DPP10: variants seen among roughly 807,000 people sequenced by gnomAD.
DPP10 encodes the protein inactive dipeptidyl peptidase 10.
A neutral mutation model predicts 120.9 loss-of-function variants in DPP10; 33 were observed. The observed-to-expected ratio is 0.27, with a 90% confidence interval of 0.21 to 0.37. The LOEUF (loss-of-function observed/expected upper bound fraction) is 0.37. DPP10 is among the 10% of genes least tolerant of loss of function. DPP10 has a pLI of 1.00. For synonymous variants in DPP10, 337 were observed against 326.1 expected (o/e 1.03, Z -0.36); for missense variants, 816 against 942.8 (o/e 0.87, Z 1.76).
At chr2:115,312,289 T>C (rs1210730745) in intron 2 of DPP10, among the ~76,000 whole-genome samples, 1 of 152,138 alleles carries the variant, frequency 6.6e-6, no homozygotes, top group Non-Finnish European at 1.5e-5. Context: ...ATTATGTAAA[T>C]TGATCAAGTG....
At chr2:114,570,446 C>T (rs1304734711) in intron 1 of DPP10, among the ~76,000 whole-genome samples, 1 of 151,966 alleles carries the variant, frequency 6.6e-6, no homozygotes, top group African/African-American at 2.4e-5. Flanking sequence ...CAAAACAATC[C>T]AACATAAGAT....
intron 1 of DPP10, among the ~76,000 whole-genome samples, chr2:114,561,903 C>T (rs1334566101): frequency 6.6e-6 from 1 of 152,196 alleles, no homozygotes; most frequent in Non-Finnish European, 1.5e-5. Flanking sequence ...CTTATTTCAT[C>T]ATACGTGCTT....
At chr2:115,096,671 C>A (rs560957322) in intron 1 of DPP10, among the ~76,000 whole-genome samples, 52 of 152,056 alleles carry the variant, frequency 3.4e-4, no homozygotes, top group Non-Finnish European at 2.4e-4. Flanking sequence ...CATCATAAAT[C>A]AAGAAGTATA....
Position 115,544,970 on chromosome 2 carries a change from A to C in DPP10, c.441+18998A>C, listed in dbSNP as rs139462125. On this transcript the variant is annotated intron_variant, in intron 5 of 25. Transcript: ENST00000410059. Reference sequence around the variant, plus strand: ...AAGTTGTTTTCTTTCTTCTGGGTTAAAGAAGGTTTTCTGGGATAGTTACCG... The same window carrying C: ...AAGTTGTTTTCTTTCTTCTGGGTTACAGAAGGTTTTCTGGGATAGTTACCG... 6.9e-3 allele frequency among the ~76,000 whole-genome samples: 1,047 copies of C among 152,164 alleles called. 7 individuals carry two copies. The highest frequency in any genetic ancestry group is 9.1e-3 in the Non-Finnish European group (617 of 67,976).
intron 1 of DPP10, among the ~76,000 whole-genome samples, chr2:114,592,697 G>A (rs1691562350): frequency 6.6e-6 from 1 of 151,842 alleles, no homozygotes; most frequent in African/African-American, 2.4e-5. Flanking sequence ...TTGAAAACAT[G>A]TTCATGCTGA....
At chr2:115,443,981 A>T (rs2104897670) in intron 3 of DPP10, among the ~76,000 whole-genome samples, 2 of 152,254 alleles carry the variant, frequency 1.3e-5, no homozygotes, top group Middle Eastern at 6.8e-3. Context: ...AAATTGCCAA[A>T]TATCTCCAGA....
chr2:115,564,103 T>A lies in DPP10; in HGVS notation c.441+38131T>A, dbSNP rs539417723. Among the ~76,000 whole-genome samples the A allele has an allele frequency of 1.6e-4, 24 of 152,254 alleles. No homozygotes were observed. The South Asian group carries it at 2.7e-3, about 17-fold the overall frequency. On this transcript the variant is annotated intron_variant, in intron 5 of 25. Coordinates refer to ENST00000410059, the MANE Select transcript of DPP10 (RefSeq NM_020868.6). Reference sequence around the variant, plus strand: ...TTTAATTACTTTTACAGAGTGGAAATTGTATTTGTTAAAATATGCCAGCCC... The same window carrying A: ...TTTAATTACTTTTACAGAGTGGAAAATGTATTTGTTAAAATATGCCAGCCC...
Position 114,815,338 on chromosome 2 carries a change from C to T in DPP10, c.60+372500C>T, listed in dbSNP as rs189912137. 7.9e-5 allele frequency among the ~76,000 whole-genome samples: 12 copies of T among 152,268 alleles called. No homozygotes were observed. In the East Asian group the frequency reaches 2.3e-3, roughly 29 times the overall value. On this transcript the variant is annotated intron_variant, in intron 1 of 25. Coordinates refer to ENST00000410059, the MANE Select transcript of DPP10 (RefSeq NM_020868.6). ...GAAGAATGCCCAGCATTGAGCCAAG[C>T]ACTCATGTACTAGGAAAGGTAGGAA...
rs887523033 is a variant in DPP10 at position 114,636,923 on chromosome 2, A to G, written c.60+194085A>G. 5.9e-5 allele frequency among the ~76,000 whole-genome samples: 9 copies of G among 152,018 alleles called. 1 individual carries two copies. The highest frequency in any genetic ancestry group is 7.4e-5 in the Non-Finnish European group (5 of 68,020). On this transcript the variant is annotated intron_variant, in intron 1 of 25. Coordinates refer to ENST00000410059, the MANE Select transcript of DPP10 (RefSeq NM_020868.6). ...ATATGTAAAGAGGCTCAAATCACAA[A>G]TCACACAATGGTGGAACTTTTGCTA...
intron 1 of DPP10, among the ~76,000 whole-genome samples, chr2:114,817,306 A>G (rs1685719194): frequency 6.8e-6 from 1 of 147,578 alleles, no homozygotes; most frequent in South Asian, 2.1e-4. Flanking sequence ...TCCTGGCCAA[A>G]AAAAAAAAAA....
At chr2:114,733,617 T>C (rs1468415233) in intron 1 of DPP10, among the ~76,000 whole-genome samples, 2 of 152,164 alleles carry the variant, frequency 1.3e-5, no homozygotes, top group Non-Finnish European at 2.9e-5. Context: ...GAGGGACAGA[T>C]AGAGAGGAGA....
At chr2:115,322,077 C>A (rs2106109182) in intron 2 of DPP10, among the ~76,000 whole-genome samples, 1 of 152,186 alleles carries the variant, frequency 6.6e-6, no homozygotes, top group Non-Finnish European at 1.5e-5. Context: ...TGTGAATGGA[C>A]TTCACTTTCT....
At chr2:114,683,702 G>C (rs1233985819) in intron 1 of DPP10, among the ~76,000 whole-genome samples, 4 of 151,588 alleles carry the variant, frequency 2.6e-5, no homozygotes, top group African/African-American at 4.8e-5. Flanking sequence ...GTATCTGATT[G>C]ACTAACTCCC....
At chr2:114,631,858 G>A (rs999121105) in intron 1 of DPP10, among the ~76,000 whole-genome samples, 1 of 152,086 alleles carries the variant, frequency 6.6e-6, no homozygotes, top group Non-Finnish European at 1.5e-5. Flanking sequence ...CTTTGTAGCT[G>A]TTGTCATTTA....
At chr2:114,707,243 A>C (rs990957919) in intron 1 of DPP10, 5 of 151,602 alleles carry the variant, frequency 3.3e-5, no homozygotes, top group Admixed American at 2.6e-4. Context: ...AATACTAAGA[A>C]TGCATTAGTA....
At chr2:114,897,734 A>C (rs1007570544) in intron 1 of DPP10, among the ~76,000 whole-genome samples, 1 of 152,200 alleles carries the variant, frequency 6.6e-6, no homozygotes, top group Admixed American at 6.5e-5. Context: ...GCAGCCAAAA[A>C]ACACATGACA....
chr2:115,379,762 T>C (rs1442408064), intron 3 of DPP10, among the ~76,000 whole-genome samples: 2 of 152,234 alleles, frequency 1.3e-5, no homozygotes, highest in African/African-American at 4.8e-5. Context: ...GTATTTGTTC[T>C]CGTTGGTTTC....
chr2:115,664,896 C>A (rs1248372349), intron 5 of DPP10, among the ~76,000 whole-genome samples: 1 of 131,316 alleles, frequency 7.6e-6, no homozygotes, highest in African/African-American at 2.5e-5. Context: ...TATTTACATT[C>A]ACATTAAATA....
chr2:115,597,787 A>G (rs1385047749), intron 5 of DPP10, among the ~76,000 whole-genome samples: 1 of 152,000 alleles, frequency 6.6e-6, no homozygotes, highest in Non-Finnish European at 1.5e-5. Context: ...AGCAGTCCTC[A>G]TAAGATCTAG....
Sources: gnomAD v4.1 joint callset for allele counts (sites outside exome capture counted in the v4.1 genomes callset) on GRCh38, gnomAD v4.1.1 for gene constraint, MANE v1.5 for transcripts, NCBI Gene and HGNC (gene_info 2026-07-23, HGNC 2026-07-21) for gene names.